Variants in LIMCH1 observed in about 807,000 individuals in gnomAD.
The protein encoded by LIMCH1 is LIM and calponin homology domains-containing protein 1.
Under a neutral mutation model 176.5 loss-of-function variants are expected in LIMCH1, and 113 were observed. The observed-to-expected ratio is 0.64, with a 90% CI of 0.55 to 0.75. The LOEUF (loss-of-function observed/expected upper bound fraction) is 0.75. Ranked by LOEUF, LIMCH1 falls within the 30% of genes least tolerant of loss-of-function variation. LIMCH1 has a pLI of 0.00. For synonymous variants in LIMCH1, 619 were observed against 645.9 expected (o/e 0.96, Z 0.63); for missense variants, 1,674 against 1,814.9 (o/e 0.92, Z 1.41).
chr4:41,639,726 T>C (rs1183906220), intron 14 of LIMCH1, among the ~76,000 whole-genome samples: 1 of 152,198 alleles, frequency 6.6e-6, no homozygotes, highest in Non-Finnish European at 1.5e-5. Flanking sequence ...TTTTTTTATT[T>C]GCAAAATGCT....
chr4:41,416,033 A>T (rs975650650), intron 1 of LIMCH1, among the ~76,000 whole-genome samples: 1 of 151,640 alleles, frequency 6.6e-6, no homozygotes, highest in Admixed American at 6.6e-5. Flanking sequence ...CTTTGAGGGT[A>T]TTTTATGTAT....
At chr4:41,559,431 A>G (rs757706933) in intron 1 of LIMCH1, among the ~76,000 whole-genome samples, 3 of 151,928 alleles carry the variant, frequency 2.0e-5, no homozygotes, top group Non-Finnish European at 4.4e-5. Flanking sequence ...TCAACCCCTC[A>G]TCTTACCATC....
intron 23 of LIMCH1, among the ~76,000 whole-genome samples, chr4:41,679,076 G>A (rs746463036): frequency 7.2e-5 from 11 of 152,190 alleles, no homozygotes; most frequent in Non-Finnish European, 1.3e-4. Context: ...AATGAAACAG[G>A]TGATGCCTGG....
At chr4:41,490,591 TG>T (rs1301801362) in intron 1 of LIMCH1, among the ~76,000 whole-genome samples, 1 of 152,154 alleles carries the variant, frequency 6.6e-6, no homozygotes, top group Non-Finnish European at 1.5e-5. Flanking sequence ...AGCACGGGGT[TG>T]GGGGTAAGGT....
upstream of LIMCH1, among the ~76,000 whole-genome samples, chr4:41,534,510 A>G (rs1036652143): frequency 7.9e-5 from 12 of 152,352 alleles, no homozygotes; most frequent in Non-Finnish European, 1.2e-4. Flanking sequence ...ATGAGCTCCA[A>G]AAGAAAAGAT....
intron 6 of LIMCH1, 25 bp downstream of exon 6, chr4:41,619,465 C>T: frequency 1.9e-6 from 3 of 1,602,116 alleles, no homozygotes; most frequent in Non-Finnish European, 2.5e-6. Flanking sequence ...CCGCTGCCCT[C>T]TTCCTGGCTT....
Position 41,633,039 on chromosome 4 carries a change from G to A in LIMCH1, c.1783G>A (p.Glu595Lys). Residue 595 changes from glutamate (E) to lysine (K), a missense_variant, in exon 12 of 32, where the codon GAG (glutamate) becomes AAG (lysine). Around this residue, in one of 3 missense-constraint regions of LIMCH1, gnomAD observed 1,015 missense variants for 1,102.5 expected, o/e 0.92. Coordinates refer to ENST00000503057, the MANE Select transcript of LIMCH1 (RefSeq NM_001330672.2). ...EETESAPRDS[E>K]RLSKAERSED... ...AACAGAAAGCGCTCCAAGAGATTCT[G>A]AGAGGCTGTCAAAGGCAGAAAGATC... The A allele has an allele frequency of 6.5e-7, 1 of 1,535,944 alleles. No homozygotes were observed. The highest frequency in any genetic ancestry group is 1.4e-5 in the African/African-American group (1 of 73,042).
intron 1 of LIMCH1, among the ~76,000 whole-genome samples, chr4:41,545,067 T>C (rs186025559): frequency 1.2e-3 from 180 of 152,362 alleles, no homozygotes; most frequent in African/African-American, 4.2e-3. Flanking sequence ...TTTGACTCCT[T>C]TGTATAACCT....
At position 41,670,613 on chromosome 4, in the gene LIMCH1, T is replaced by C. The variant is rs955459168; in HGVS notation, c.3398-941T>C. The C allele has an allele frequency of 7.6e-5, 54 of 708,850 alleles. No homozygotes were observed. The South Asian group carries it at 1.1e-3, about 14-fold the overall frequency. The allele number at this position is 708,850 out of a possible 1,614,324, so 43.9% of individuals were successfully genotyped here. A position where few individuals can be genotyped will look rare whatever the true frequency, so the allele number is the denominator to read the frequency against. Reference sequence around the variant, plus strand: ...GATTTACTGACTCTCAATTCTGGTATTGACTAGAGCCAAACTCCCTATAGT... The same window carrying C: ...GATTTACTGACTCTCAATTCTGGTACTGACTAGAGCCAAACTCCCTATAGT... On this transcript the variant is annotated intron_variant, in intron 21 of 31. Coordinates refer to ENST00000503057, the MANE Select transcript of LIMCH1 (RefSeq NM_001330672.2).
intron 17 of LIMCH1, 26 bp downstream of exon 17, chr4:41,646,919 A>G (rs2152929958): frequency 1.3e-6 from 2 of 1,582,772 alleles, no homozygotes; most frequent in South Asian, 1.1e-5. Flanking sequence ...TAAGAGTAGA[A>G]CCAAAGCTGA....
At chr4:41,551,104 A>G (rs879521948) in intron 1 of LIMCH1, 1 of 152,184 alleles carries the variant, frequency 6.6e-6, no homozygotes, top group Non-Finnish European at 1.5e-5. Flanking sequence ...TGTTTCTTCT[A>G]TCTTTCTTCC....
At chr4:41,400,744 A>G (rs1488636813) in intron 1 of LIMCH1, among the ~76,000 whole-genome samples, 1 of 152,212 alleles carries the variant, frequency 6.6e-6, no homozygotes, top group Non-Finnish European at 1.5e-5. Context: ...TTAATTTTAG[A>G]ATGTCAATTC....
chr4:41,480,275 T>A (rs2154166729), intron 1 of LIMCH1, among the ~76,000 whole-genome samples: 1 of 127,880 alleles, frequency 7.8e-6, no homozygotes, highest in Middle Eastern at 3.8e-3. Flanking sequence ...TACTTCATTA[T>A]GCTGAAGGCT....
chr4:41,541,304 G>GA, intron 1 of LIMCH1, among the ~76,000 whole-genome samples: 2 of 149,256 alleles, frequency 1.3e-5, no homozygotes, highest in African/African-American at 4.9e-5. Context: ...GTAGATTCGG[G>GA]AAGGCTGGAT....
At chr4:41,499,488 A>G (rs557171578) in intron 2 of LIMCH1, among the ~76,000 whole-genome samples, 14 of 152,236 alleles carry the variant, frequency 9.2e-5, no homozygotes, top group Non-Finnish European at 1.6e-4. Context: ...AAATGTTGCT[A>G]GTATCCCCAG....
At chr4:41,694,946 A>G (rs1011077117) in intron 31 of LIMCH1, among the ~76,000 whole-genome samples, 6 of 152,020 alleles carry the variant, frequency 3.9e-5, no homozygotes, top group Admixed American at 6.6e-5. Flanking sequence ...TTGGTGGGGG[A>G]AAAAATCTCA....
At chr4:41,656,325 T>A (rs1017452839) in intron 18 of LIMCH1, among the ~76,000 whole-genome samples, 1 of 152,214 alleles carries the variant, frequency 6.6e-6, no homozygotes, top group Non-Finnish European at 1.5e-5. Flanking sequence ...ATGGCAAATG[T>A]CAATAAACAT....
intron 8 of LIMCH1, among the ~76,000 whole-genome samples, chr4:41,628,233 C>T (rs560970789): frequency 6.6e-6 from 1 of 152,140 alleles, no homozygotes; most frequent in Non-Finnish European, 1.5e-5. Context: ...TGATGGCAAT[C>T]AGCAATTTGA....
At position 41,529,081 on chromosome 4, in the gene LIMCH1, C is replaced by T. The variant is rs75446400; in HGVS notation, c.237+4603C>T. ...GTTTGCTGCTGCCAGAGAGAAAGTCCTCAAATTTAGGTCTTGGCATACCAA... is the reference window on the plus strand; with the variant it reads ...GTTTGCTGCTGCCAGAGAGAAAGTCTTCAAATTTAGGTCTTGGCATACCAA... On this transcript the variant is annotated intron_variant, in intron 3 of 26. Coordinates refer to the LIMCH1 transcript ENST00000313860. 4.7e-3 allele frequency among the ~76,000 whole-genome samples: 715 copies of T among 151,060 alleles called. 8 individuals carry two copies. Among genetic ancestry groups the T allele is most frequent in the African/African-American group, 0.017 (687 of 40,744 alleles).
Sources: gnomAD v4.1 joint callset for allele counts (sites outside exome capture counted in the v4.1 genomes callset) on GRCh38, gnomAD v4.1.1 for gene constraint, gnomAD v4.1.1 regional missense constraint, MANE v1.5 for transcripts, NCBI Gene and HGNC (gene_info 2026-07-23, HGNC 2026-07-21) for gene names.